FHIT: variants seen among roughly 807,000 people sequenced by gnomAD.
The protein encoded by FHIT is bis(5'-adenosyl)-triphosphatase.
FHIT carries 19 observed loss-of-function variants against 17.9 expected under a neutral mutation model. That is an observed-to-expected ratio of 1.06 (90% CI 0.74 to 1.56). The LOEUF is 1.56. FHIT is among the 40% of genes most tolerant of loss of function. FHIT has a pLI of 0.00. For synonymous variants in FHIT, 81 were observed against 69.7 expected (o/e 1.16, Z -0.81); for missense variants, 248 against 189.2 (o/e 1.31, Z -1.82).
At chr3:60,974,539 C>T (rs1403605682) in intron 3 of FHIT, among the ~76,000 whole-genome samples, 2 of 152,186 alleles carry the variant, frequency 1.3e-5, no homozygotes, top group Non-Finnish European at 2.9e-5. Flanking sequence ...CTTAAAACTT[C>T]TCAGTTACAT....
At chr3:61,038,554 G>A (rs2107684252) in intron 3 of FHIT, among the ~76,000 whole-genome samples, 1 of 152,302 alleles carries the variant, frequency 6.6e-6, no homozygotes, top group East Asian at 1.9e-4. Flanking sequence ...TTTCAATGTG[G>A]AGCTGGATTA....
intron 7 of FHIT, among the ~76,000 whole-genome samples, chr3:59,953,917 G>C (rs1435527666): frequency 1.3e-5 from 2 of 152,216 alleles, no homozygotes; most frequent in Admixed American, 1.3e-4. Context: ...GTTTGAGTGT[G>C]TTAATGGAGT....
chr3:61,184,397 G>A (rs1266881708), intron 2 of FHIT, among the ~76,000 whole-genome samples: 1 of 152,114 alleles, frequency 6.6e-6, no homozygotes, highest in Non-Finnish European at 1.5e-5. Context: ...GAGATGGGGA[G>A]GCTGAAGCCA....
chr3:60,954,789 A>T (rs1339350332), intron 3 of FHIT, among the ~76,000 whole-genome samples: 1 of 152,194 alleles, frequency 6.6e-6, no homozygotes, highest in African/African-American at 2.4e-5. Context: ...GGGAAGGCAA[A>T]TATGAAGCAA....
At chr3:59,929,362 GGTTTTTTT>G (rs1185474320) in intron 7 of FHIT, among the ~76,000 whole-genome samples, 7 of 92,036 alleles carry the variant, frequency 7.6e-5, no homozygotes, top group Non-Finnish European at 1.7e-4. Flanking sequence ...TTGTTTTTTT[GGTTTTTTT>G]TTTTTTTTTT....
chr3:60,441,730 T>TTATATACATATATTTATATATATAAA (rs2030834990), intron 5 of FHIT, among the ~76,000 whole-genome samples: 1 of 88,662 alleles, frequency 1.1e-5, no homozygotes, highest in Non-Finnish European at 2.1e-5. Context: ...ATATTTGTAT[T>TTATATACATATATTTATATATATAAA]TATATATATA....
At chr3:59,797,583 T>G (rs929371905) in intron 8 of FHIT, among the ~76,000 whole-genome samples, 6 of 152,224 alleles carry the variant, frequency 3.9e-5, no homozygotes, top group Non-Finnish European at 7.3e-5. Flanking sequence ...GTAAGGAGGA[T>G]GTAGTTCTGG....
At chr3:60,528,982 AC>A (rs1364619509) in intron 5 of FHIT, among the ~76,000 whole-genome samples, 2 of 152,060 alleles carry the variant, frequency 1.3e-5, no homozygotes, top group Non-Finnish European at 2.9e-5. Context: ...CCATATCCTG[AC>A]CCCCAAATGC....
At chr3:60,574,789 G>A (rs556814906) in intron 4 of FHIT, among the ~76,000 whole-genome samples, 9 of 151,800 alleles carry the variant, frequency 5.9e-5, no homozygotes, top group East Asian at 5.8e-4. Context: ...CAGTCCTTCC[G>A]CTTGCCAGGG....
chr3:60,896,117 T>C (rs1436636079), intron 3 of FHIT, among the ~76,000 whole-genome samples: 1 of 152,104 alleles, frequency 6.6e-6, no homozygotes, highest in Non-Finnish European at 1.5e-5. Context: ...ATTATGAGAA[T>C]CTAACTAATG....
chr3:60,084,575 T>C (rs1437688378), intron 5 of FHIT, among the ~76,000 whole-genome samples: 1 of 152,178 alleles, frequency 6.6e-6, no homozygotes. Flanking sequence ...TTTATTAATA[T>C]ATTTATTGGG....
chr3:59,960,987 T>A (rs1575771260), intron 7 of FHIT, among the ~76,000 whole-genome samples: 1 of 152,348 alleles, frequency 6.6e-6, no homozygotes, highest in East Asian at 1.9e-4. Context: ...TCTTTGAGAC[T>A]CTAAGACGAT....
At chr3:60,987,070 T>C (rs1208884319) in intron 3 of FHIT, among the ~76,000 whole-genome samples, 3 of 152,226 alleles carry the variant, frequency 2.0e-5, no homozygotes, top group Non-Finnish European at 4.4e-5. Flanking sequence ...TGAGACCATA[T>C]GTGAGCAGTT....
At chr3:60,369,382 ATAT>A (rs1700233468) in intron 5 of FHIT, among the ~76,000 whole-genome samples, 1 of 152,204 alleles carries the variant, frequency 6.6e-6, no homozygotes, top group African/African-American at 2.4e-5. Context: ...TTCTTTAACA[ATAT>A]TATTATAGCT....
chr3:60,686,921 C>A (rs2040873798), intron 4 of FHIT, among the ~76,000 whole-genome samples: 1 of 152,176 alleles, frequency 6.6e-6, no homozygotes, highest in African/African-American at 2.4e-5. Flanking sequence ...AATCTTGCTG[C>A]CTTTGTTCAT....
chr3:60,567,300 A>C (rs1264436846), intron 4 of FHIT, among the ~76,000 whole-genome samples: 1 of 152,040 alleles, frequency 6.6e-6, no homozygotes, highest in Admixed American at 6.6e-5. Flanking sequence ...CTCAGAAATA[A>C]TGCCACATAT....
intron 5 of FHIT, among the ~76,000 whole-genome samples, chr3:60,088,027 G>A (rs1408633541): frequency 6.6e-6 from 1 of 152,176 alleles, no homozygotes; most frequent in Admixed American, 6.5e-5. Context: ...ATCTGCATCT[G>A]CTGAGGGCCC....
chr3:59,766,711 CT>C (rs955888777), intron 8 of FHIT, among the ~76,000 whole-genome samples: 1 of 152,168 alleles, frequency 6.6e-6, no homozygotes, highest in Non-Finnish European at 1.5e-5. Flanking sequence ...ACCAAGAAGG[CT>C]GTTTGGAAGG....
At chr3:60,890,349 G>T (rs1342926962) in intron 3 of FHIT, among the ~76,000 whole-genome samples, 5 of 152,000 alleles carry the variant, frequency 3.3e-5, no homozygotes, top group African/African-American at 1.2e-4. Flanking sequence ...ATCTTCCAGG[G>T]CAGCATAGCC....
Sources: allele counts gnomAD v4.1 joint callset (sites outside exome capture counted in the v4.1 genomes callset), GRCh38; gene constraint gnomAD v4.1.1; transcripts MANE v1.5; gene names NCBI Gene and HGNC (gene_info 2026-07-23, HGNC 2026-07-21).